The following MCTP1 variants were observed in gnomAD, a reference collection of about 807,000 sequenced individuals.
MCTP1 encodes the protein multiple C2 and transmembrane domain containing 1, also known as multiple C2 and transmembrane domain-containing protein 1.
Under a neutral mutation model 120.6 loss-of-function variants are expected in MCTP1, and 69 were observed. The ratio of observed to expected loss-of-function variants is 0.57; its 90% CI spans 0.47 to 0.70. The LOEUF is 0.70. Among genes scored for constraint, MCTP1 ranks in the 30% least tolerant of loss-of-function variants. The pLI, the probability that MCTP1 is intolerant of heterozygous loss-of-function variation, is 0.00. For missense variants in MCTP1, 1,203 were observed against 1,248.8 expected, an observed-to-expected ratio of 0.96 and a Z score of 0.55; for synonymous variants, 529 against 493.1, an observed-to-expected ratio of 1.07 and a Z score of -0.96.
At chr5:94,721,428 T>G (rs1760864351) in intron 19 of MCTP1, among the ~76,000 whole-genome samples, 1 of 152,224 alleles carries the variant, frequency 6.6e-6, no homozygotes, top group African/African-American at 2.4e-5. Context: ...ATTCTTCATT[T>G]GCTTTGTTAC....
chr5:95,198,190 CAT>C (rs935397272), intron 1 of MCTP1, among the ~76,000 whole-genome samples: 1 of 151,932 alleles, frequency 6.6e-6, no homozygotes, highest in Non-Finnish European at 1.5e-5. Flanking sequence ...TATCTAAATG[CAT>C]AGAGATTAGG....
At chr5:95,056,942 AAGTT>A (rs138888977) in intron 1 of MCTP1, among the ~76,000 whole-genome samples, 94 of 152,310 alleles carry the variant, frequency 6.2e-4, no homozygotes, top group African/African-American at 2.1e-3. Flanking sequence ...TATGAAAAGA[AAGTT>A]AGAGAAATAT....
chr5:94,941,241 A>C (rs1287927239), intron 4 of MCTP1, among the ~76,000 whole-genome samples: 1 of 147,394 alleles, frequency 6.8e-6, no homozygotes, highest in Non-Finnish European at 1.5e-5. Context: ...AGTCTATTCC[A>C]GATTGAGCTC....
chr5:95,101,748 C>T (rs1015115296), intron 1 of MCTP1, among the ~76,000 whole-genome samples: 11 of 152,324 alleles, frequency 7.2e-5, no homozygotes, highest in Admixed American at 5.2e-4. Context: ...ATGCCTTCTG[C>T]TGGTCACAGG....
At chr5:95,189,809 G>A (rs1023173939) in intron 1 of MCTP1, among the ~76,000 whole-genome samples, 6 of 152,112 alleles carry the variant, frequency 3.9e-5, no homozygotes, top group African/African-American at 1.4e-4. Context: ...CCTAATTAGT[G>A]TTATCTTCAA....
intron 1 of MCTP1, among the ~76,000 whole-genome samples, chr5:95,080,460 C>T (rs780043347): frequency 4.6e-5 from 7 of 152,094 alleles, no homozygotes; most frequent in Non-Finnish European, 8.8e-5. Context: ...TTAAGAAGTA[C>T]GAAAGTATTC....
intron 3 of MCTP1, among the ~76,000 whole-genome samples, chr5:94,951,654 G>C (rs1820616925): frequency 6.6e-6 from 1 of 151,652 alleles, no homozygotes; most frequent in Admixed American, 6.6e-5. Context: ...CAGCCCACTT[G>C]TCTTTTCTTT....
intron 2 of MCTP1, among the ~76,000 whole-genome samples, chr5:94,985,670 C>G (rs1324310720): frequency 6.6e-6 from 1 of 152,114 alleles, no homozygotes; most frequent in Non-Finnish European, 1.5e-5. Flanking sequence ...ATACACCAGG[C>G]CTTTTGGCTA....
chr5:94,847,702 A>ATG (rs1473527405), intron 17 of MCTP1, among the ~76,000 whole-genome samples: 4 of 148,712 alleles, frequency 2.7e-5, no homozygotes, highest in South Asian at 4.2e-4. Flanking sequence ...ATATATATAT[A>ATG]TATGTATGTT....
At chr5:95,154,003 C>T (rs1041949294) in intron 1 of MCTP1, among the ~76,000 whole-genome samples, 1 of 152,104 alleles carries the variant, frequency 6.6e-6, no homozygotes, top group Non-Finnish European at 1.5e-5. Context: ...GAAAGAAATG[C>T]TTGATAATTT....
intron 1 of MCTP1, among the ~76,000 whole-genome samples, chr5:95,264,244 T>C (rs901228727): frequency 6.6e-6 from 1 of 152,238 alleles, no homozygotes; most frequent in Non-Finnish European, 1.5e-5. Context: ...ATCAATGTGA[T>C]AGCCTTTAGG....
chr5:94,894,907 T>G, intron 10 of MCTP1, 72 bp from the exon 11 acceptor site: 1 of 902,896 alleles, frequency 1.1e-6, no homozygotes, highest in Admixed American at 2.6e-5. Context: ...CTGTTCAGAG[T>G]TCTATGAAAC....
At chr5:95,181,488 T>C (rs1225750937) in intron 1 of MCTP1, among the ~76,000 whole-genome samples, 1 of 152,216 alleles carries the variant, frequency 6.6e-6, no homozygotes. Context: ...ATGATGACTT[T>C]ATATAAAAGA....
Position 94,708,550 on chromosome 5 carries a change from G to A in MCTP1, c.2890C>T (p.Leu964Phe), listed in dbSNP as rs1223042660. The A allele has an allele frequency of 6.2e-7, 1 of 1,610,948 alleles. No individual in the cohort carries two copies. Among genetic ancestry groups the A allele is most frequent in the Non-Finnish European group, 8.5e-7 (1 of 1,177,756 alleles). ...GAAGGGACTCTGGAAAGGAAGTCAA[G>A]TAGTTCATTGTTATCAATTGCATAT... is the stretch of plus-strand genomic sequence containing the variant. The part of the protein sequence containing the change: ...SPYAIDNNEL[L>F]DFLSRVPSDV... Residue 964 changes from leucine (L) to phenylalanine (F), a missense_variant, in exon 22 of 23, where the codon CTT becomes TTT. Leu to Phe is a conservative substitution (Grantham distance 22). Transcript: ENST00000515393.
At chr5:94,954,349 AC>A (rs2153539935) in intron 2 of MCTP1, among the ~76,000 whole-genome samples, 1 of 151,720 alleles carries the variant, frequency 6.6e-6, no homozygotes, top group East Asian at 1.9e-4. Context: ...TGGGAGCTAA[AC>A]AATTGGTACA....
intron 5 of MCTP1, among the ~76,000 whole-genome samples, chr5:94,937,901 C>T (rs958440948): frequency 1.3e-5 from 2 of 152,136 alleles, no homozygotes; most frequent in Admixed American, 6.5e-5. Context: ...TCTGGGAATA[C>T]ACAGGATCTC....
At chr5:94,822,711 A>T (rs1785961414) in intron 17 of MCTP1, among the ~76,000 whole-genome samples, 1 of 152,150 alleles carries the variant, frequency 6.6e-6, no homozygotes. Context: ...CATCCTCTCC[A>T]GCATCTGTTG....
intron 19 of MCTP1, among the ~76,000 whole-genome samples, chr5:94,743,320 A>T (rs1203562622): frequency 6.6e-6 from 1 of 151,894 alleles, no homozygotes; most frequent in Non-Finnish European, 1.5e-5. Context: ...TTCAATAAAA[A>T]AAAAAAAAGA....
At chr5:95,234,519 C>T (rs961434505) in intron 1 of MCTP1, among the ~76,000 whole-genome samples, 6 of 152,128 alleles carry the variant, frequency 3.9e-5, no homozygotes, top group African/African-American at 1.4e-4. Context: ...TCTCATCCTC[C>T]AAGAAGAGGG....
Sources: gnomAD v4.1 joint callset for allele counts (sites outside exome capture counted in the v4.1 genomes callset) on GRCh38, gnomAD v4.1.1 for gene constraint, MANE v1.5 for transcripts, NCBI Gene and HGNC (gene_info 2026-07-23, HGNC 2026-07-21) for gene names.